The following PUDP variants were observed in gnomAD, a reference collection of about 807,000 sequenced individuals.
The protein encoded by PUDP is pseudouridine 5'-phosphatase.
PUDP carries 8 observed loss-of-function variants against 9.4 expected under a neutral mutation model. That is an observed-to-expected ratio of 0.85 (90% CI 0.50 to 1.53). The LOEUF (loss-of-function observed/expected upper bound fraction) is 1.53. Ranked by LOEUF, PUDP falls within the 40% of genes most tolerant of loss-of-function variation. The probability of loss-of-function intolerance (pLI) is 0.00; values close to 1 mark genes in which losing one functional copy is unlikely to be tolerated. For synonymous variants in PUDP, 99 were observed against 80.7 expected (o/e 1.23, Z -1.22); for missense variants, 188 against 189.7 (o/e 0.99, Z 0.05).
At chrX:7,041,789 G>T (rs949536276) in intron 1 of PUDP, among the ~76,000 whole-genome samples, 14 of 110,445 alleles carry the variant, frequency 1.3e-4, no homozygotes, top group Admixed American at 2.9e-4. Context: ...ATCTCCAATG[G>T]TCCCTGCATT....
At chrX:6,896,438 T>C (rs1404018099) in intron 3 of PUDP, among the ~76,000 whole-genome samples, 1 of 111,979 alleles carries the variant, frequency 8.9e-6, no homozygotes, top group Non-Finnish European at 1.9e-5. Flanking sequence ...ATTAGATTGT[T>C]TTACCTGTGC....
At chrX:7,122,215 ATGTGTGTGTGTGTG>A (rs62871862) in intron 1 of PUDP, among the ~76,000 whole-genome samples, 5 of 99,958 alleles carry the variant, frequency 5.0e-5, no homozygotes, top group African/African-American at 1.9e-4. Flanking sequence ...AAACCCATAT[ATGTGTGTGTGTGTG>A]TGTGTGTGTG....
intron 3 of PUDP, among the ~76,000 whole-genome samples, chrX:6,931,847 A>C (rs1406332487): frequency 9.0e-6 from 1 of 111,471 alleles, no homozygotes; most frequent in African/African-American, 3.3e-5. Context: ...TCTTAGCTGC[A>C]GAGAGTAGGT....
chrX:6,833,887 T>C (rs1406733080), intron 3 of PUDP, among the ~76,000 whole-genome samples: 1 of 112,286 alleles, frequency 8.9e-6, no homozygotes, highest in Non-Finnish European at 1.9e-5. Flanking sequence ...ATGGTTTCCT[T>C]CCAATTTAAA....
chrX:7,052,893 T>G (rs890436838), intron 3 of PUDP, among the ~76,000 whole-genome samples: 1 of 111,762 alleles, frequency 8.9e-6, no homozygotes, highest in Non-Finnish European at 1.9e-5. Flanking sequence ...GAGACACTGG[T>G]CACCGTAGGA....
At chrX:6,868,714 T>C (rs1390479398) in intron 3 of PUDP, among the ~76,000 whole-genome samples, 1 of 112,119 alleles carries the variant, frequency 8.9e-6, no homozygotes, top group East Asian at 2.8e-4. Context: ...CTTGAGAACA[T>C]CTCTGCAAAA....
At chrX:6,951,130 T>C (rs1179280767) in intron 3 of PUDP, among the ~76,000 whole-genome samples, 1 of 111,591 alleles carries the variant, frequency 9.0e-6, no homozygotes, top group Admixed American at 9.5e-5. Context: ...CCATTTCTTA[T>C]AATGAATCTC....
intron 1 of PUDP, among the ~76,000 whole-genome samples, chrX:7,010,520 G>A (rs1929462310): frequency 8.9e-6 from 1 of 111,784 alleles, no homozygotes; most frequent in African/African-American, 3.3e-5. Context: ...AGCCTCTTAT[G>A]GGAGACACAA....
chrX:6,788,240 T>C (rs1925680644), intron 3 of PUDP, among the ~76,000 whole-genome samples: 1 of 112,211 alleles, frequency 8.9e-6, no homozygotes, highest in Non-Finnish European at 1.9e-5. Flanking sequence ...CACTTTATTA[T>C]AAAATAAGCT....
rs1930034474 is a variant in PUDP, at chrX:7,049,471, C to T, written c.*825G>A. Reference sequence around the variant, plus strand: ...GAGGCAAATGGTTGTTGTGAGGTAGCAAACATTTTCCAATGCAGGTAAGGA... The same window carrying T: ...GAGGCAAATGGTTGTTGTGAGGTAGTAAACATTTTCCAATGCAGGTAAGGA... On this transcript the variant is annotated 3_prime_UTR_variant, in exon 4 of 4. Coordinates refer to ENST00000381077, the MANE Select transcript of PUDP (RefSeq NM_012080.5). 1 of 112,445 alleles carries T rather than the reference C, an allele frequency of 8.9e-6. No individual in the cohort carries two copies. The highest frequency in any genetic ancestry group is 1.9e-5 in the Non-Finnish European group (1 of 53,252). The allele number at this position is 112,445 out of a possible 1,213,427, so 9.3% of individuals were successfully genotyped here.
intron 3 of PUDP, among the ~76,000 whole-genome samples, chrX:6,799,848 TA>T (rs907456034): frequency 1.4e-4 from 15 of 107,011 alleles, no homozygotes; most frequent in East Asian, 5.8e-4. Flanking sequence ...AAAAAAATAA[TA>T]AAAAAAAAAT....
At chrX:6,724,501 CAAAAA>C (rs1170392595), upstream of PUDP, among the ~76,000 whole-genome samples, 1 of 45,472 alleles carries the variant, frequency 2.2e-5, no homozygotes, top group Non-Finnish European at 3.9e-5. Context: ...ATTCTCTCTC[CAAAAA>C]AAAAAAAAAA....
upstream of PUDP, among the ~76,000 whole-genome samples, chrX:6,725,079 A>G (rs147073002): frequency 8.9e-3 from 994 of 111,676 alleles, 8 homozygotes; most frequent in Admixed American, 0.043. Context: ...TTGGTCCCCA[A>G]TGACATGGCC....
chrX:6,910,616 A>G (rs1927834760), intron 3 of PUDP, among the ~76,000 whole-genome samples: 1 of 112,126 alleles, frequency 8.9e-6, no homozygotes, highest in Non-Finnish European at 1.9e-5. Flanking sequence ...ACTGTTGGTC[A>G]TGCAGCTGAA....
chrX:6,973,580 T>C (rs1447121830), intron 3 of PUDP, among the ~76,000 whole-genome samples: 1 of 112,164 alleles, frequency 8.9e-6, no homozygotes, highest in Non-Finnish European at 1.9e-5. Flanking sequence ...AGACTGTTTG[T>C]TATGATTTCC....
At chrX:6,988,868 A>G (rs5935608) in intron 1 of PUDP, among the ~76,000 whole-genome samples, 40,262 of 110,374 alleles carry the variant, frequency 0.36, 5,465 homozygotes, top group Non-Finnish European at 0.41. Context: ...CAGCCTTTGT[A>G]TAAGGACACT....
rs771351648 is a variant in PUDP, at chrX:6,731,993, A to C, written c.*248-25527T>G. Among the ~76,000 whole-genome samples, 5 of 112,284 alleles carry C rather than the reference A, an allele frequency of 4.5e-5. No homozygotes were observed. In the South Asian group the frequency reaches 1.9e-3, roughly 42 times the overall value. On this transcript the variant is annotated intron_variant and NMD_transcript_variant, in intron 3 of 3. Transcript: ENST00000655425. ...TTCATATATAAATACATATATGCAA[A>C]GCCCAGAACACTTATGAAGAGATAC...
chrX:6,972,499 T>C (rs1364730020), intron 3 of PUDP, among the ~76,000 whole-genome samples: 1 of 112,112 alleles, frequency 8.9e-6, no homozygotes, highest in African/African-American at 3.2e-5. Flanking sequence ...GTTTATGTGA[T>C]GGATTATGTT....
intron 3 of PUDP, among the ~76,000 whole-genome samples, chrX:6,952,970 T>C (rs755451862): frequency 8.1e-5 from 9 of 111,499 alleles, no homozygotes; most frequent in Non-Finnish European, 1.7e-4. Context: ...TCTATCTTGG[T>C]TTGTCTGATA....
Sources: allele counts gnomAD v4.1 joint callset (sites outside exome capture counted in the v4.1 genomes callset), GRCh38; gene constraint gnomAD v4.1.1; transcripts MANE v1.5; gene names NCBI Gene and HGNC (gene_info 2026-07-23, HGNC 2026-07-21).